Variants in RAB36 observed in about 807,000 individuals in gnomAD.
The protein encoded by RAB36 is ras-related protein Rab-36.
Under a neutral mutation model 39.3 loss-of-function variants are expected in RAB36, and 33 were observed. The ratio of observed to expected loss-of-function variants is 0.84; its 90% CI spans 0.64 to 1.12. RAB36 has a LOEUF of 1.12. Among genes scored for constraint, RAB36 ranks in the 50% most tolerant of loss-of-function variants. The pLI is 0.00. For missense variants in RAB36, 308 were observed against 355.3 expected (o/e 0.87, Z 1.07); for synonymous variants, 133 against 140.2 (o/e 0.95, Z 0.36).
intron 1 of RAB36, among the ~76,000 whole-genome samples, chr22:23,146,279 G>A (rs2070764901): frequency 6.6e-6 from 1 of 152,170 alleles, no homozygotes. Context: ...CACCTTCACG[G>A]TTCACTGCAC....
intron 1 of RAB36, 73 bp from the exon 2 acceptor site, chr22:23,146,532 G>T: frequency 6.4e-7 from 1 of 1,563,634 alleles, no homozygotes. Context: ...GAAAAGTTAG[G>T]TGGAAACTCA....
At chr22:23,160,359 A>T (rs933053585) in intron 9 of RAB36, among the ~76,000 whole-genome samples, 1 of 152,194 alleles carries the variant, frequency 6.6e-6, no homozygotes, top group Non-Finnish European at 1.5e-5. Context: ...TGGCTGCACA[A>T]GGGCAGTGTG....
rs1007460001 is a variant in RAB36 at position 23,164,702 on chromosome 22, C to T, written c.*3138C>T. Reference sequence around the variant, plus strand: ...CACAGTGACCGCGTCCAAGTGCTGCCGAAACGCCTTTTTCCTCTTCCCTGT... The same window carrying T: ...CACAGTGACCGCGTCCAAGTGCTGCTGAAACGCCTTTTTCCTCTTCCCTGT... On this transcript the variant is annotated 3_prime_UTR_variant, in exon 11 of 11. Transcript: ENST00000263116. Among the ~76,000 whole-genome samples, 1 of 152,150 alleles carries T rather than the reference C, an allele frequency of 6.6e-6. No individual in the cohort carries two copies. Among genetic ancestry groups the T allele is most frequent in the African/African-American group, 2.4e-5 (1 of 41,432 alleles).
At chr22:23,150,186 G>A in intron 3 of RAB36, 32 bp downstream of exon 3, 1 of 1,546,268 alleles carries the variant, frequency 6.5e-7, no homozygotes, top group Non-Finnish European at 8.9e-7. Context: ...TGGGGGAGCA[G>A]GTGGCAAGAA....
At chr22:23,156,080 C>T in intron 6 of RAB36, 48 bp downstream of exon 6, 3 of 1,527,942 alleles carry the variant, frequency 2.0e-6, no homozygotes, top group Non-Finnish European at 2.7e-6. Context: ...GCAGCGGGGT[C>T]CCTGCCGGGC....
At chr22:23,158,816 G>T in intron 7 of RAB36, 82 bp from the exon 8 acceptor site, 1 of 1,236,784 alleles carries the variant, frequency 8.1e-7, no homozygotes, top group African/African-American at 1.5e-5. Context: ...TTCAGCCCTG[G>T]GGAGGTCCCA....
chr22:23,167,510 G>A (rs2072071421), downstream of RAB36, among the ~76,000 whole-genome samples: 1 of 152,108 alleles, frequency 6.6e-6, no homozygotes, highest in South Asian at 2.1e-4. Flanking sequence ...GAGGCCAGCA[G>A]GATCCATTCG....
In RAB36 at chr22:23,153,651, T is replaced by TTCA. The variant is rs2071290730; in HGVS notation, c.329+518_329+520dup. On this transcript the variant is annotated intron_variant, in intron 5 of 10. Transcript: ENST00000263116. ...TCGTCTTCCTCCTCACACTGCAGCC[T>TTCA]TCACTCCCTCTCCCCAGCCTCACTT... The TTCA allele has an allele frequency of 7.2e-6, 7 of 976,542 alleles. No homozygotes were observed. The South Asian group carries it at 2.9e-4, about 40-fold the overall frequency. 60.5% of individuals were successfully genotyped at this position (976,542 alleles called of 1,614,324 possible).
In RAB36 at chr22:23,164,708, G is replaced by T. The variant is rs115497687; in HGVS notation, c.*3144G>T. Reference sequence around the variant, plus strand: ...GACCGCGTCCAAGTGCTGCCGAAACGCCTTTTTCCTCTTCCCTGTTTCCCT... The same window carrying T: ...GACCGCGTCCAAGTGCTGCCGAAACTCCTTTTTCCTCTTCCCTGTTTCCCT... On this transcript the variant is annotated 3_prime_UTR_variant, in exon 11 of 11. Transcript: ENST00000263116. 2.0e-5 allele frequency among the ~76,000 whole-genome samples: 3 copies of T among 152,088 alleles called. No homozygotes were observed. The highest frequency in any genetic ancestry group is 4.4e-5 in the Non-Finnish European group (3 of 68,024).
Position 23,145,505 on chromosome 22 carries a change from C to G in RAB36, c.-59C>G. 6.2e-7 allele frequency: 1 copy of G among 1,606,018 alleles called. No homozygotes were observed. Among genetic ancestry groups the G allele is most frequent in the South Asian group, 1.1e-5 (1 of 90,956 alleles). On this transcript the variant is annotated 5_prime_UTR_variant, in exon 1 of 11. An upstream open reading frame in the 5' UTR gains an earlier in-frame stop. Coordinates refer to ENST00000263116, the MANE Select transcript of RAB36 (RefSeq NM_004914.5). ...GCCATGGTGATCGCCGCCGCTGGCT[C>G]AGGCGGACCAGGCCGCGCGGAGCCC...
downstream of RAB36, among the ~76,000 whole-genome samples, chr22:23,168,263 C>T (rs1234517102): frequency 1.3e-5 from 2 of 152,168 alleles, no homozygotes; most frequent in African/African-American, 4.8e-5. Context: ...GGAGGCAGCT[C>T]CCTCCAGCTC....
In RAB36 at chr22:23,146,668, A is replaced by T. The variant is rs767122131; in HGVS notation, c.52A>T (p.Ile18Phe). ...LGPPVSRDRV[I>F]ASFPKWYTPE... ...GCCCCCTGTGAGCCGCGACCGTGTC[A>T]TCGCCAGCTTCCCTAAGGTAGAGAG... is the stretch of plus-strand genomic sequence containing the variant. Residue 18 changes from isoleucine (I) to phenylalanine (F), a missense_variant, in exon 2 of 11, where the codon ATC becomes TTC. Coordinates refer to ENST00000263116, the MANE Select transcript of RAB36 (RefSeq NM_004914.5). The T allele has an allele frequency of 6.2e-7, 1 of 1,613,996 alleles. No individual in the cohort carries two copies. Among genetic ancestry groups the T allele is most frequent in the East Asian group, 2.2e-5 (1 of 44,870 alleles).
At chr22:23,150,463 G>T (rs978555159) in intron 3 of RAB36, among the ~76,000 whole-genome samples, 2 of 151,834 alleles carry the variant, frequency 1.3e-5, no homozygotes, top group African/African-American at 2.4e-5. Context: ...CACCACGCCC[G>T]GCTAATTTTT....
chr22:23,167,775 C>T (rs775542861), downstream of RAB36, among the ~76,000 whole-genome samples: 18 of 151,978 alleles, frequency 1.2e-4, no homozygotes, highest in Non-Finnish European at 2.4e-4. Context: ...CTCAAACTCC[C>T]GGTCTCAAGC....
At chr22:23,156,133 T>A in intron 6 of RAB36, 101 bp downstream of exon 6, 1 of 726,160 alleles carries the variant, frequency 1.4e-6, no homozygotes, top group Non-Finnish European at 2.1e-6. Flanking sequence ...GCACCAGTTT[T>A]TTGTCCTCCA....
intron 3 of RAB36, among the ~76,000 whole-genome samples, chr22:23,150,988 G>A (rs1013082261): frequency 6.6e-5 from 10 of 152,372 alleles, no homozygotes; most frequent in African/African-American, 2.2e-4. Context: ...CTGGCAGAGG[G>A]ATTGTGAAAT....
chr22:23,155,208 G>T (rs910738535), intron 5 of RAB36, among the ~76,000 whole-genome samples: 2 of 152,156 alleles, frequency 1.3e-5, no homozygotes, highest in Admixed American at 6.5e-5. Context: ...GTTCAATTTT[G>T]ATCAGTTGAC....
At position 23,164,346 on chromosome 22, in the gene RAB36, C is replaced by G. The variant is rs1259183459; in HGVS notation, c.*2782C>G. On this transcript the variant is annotated 3_prime_UTR_variant, in exon 11 of 11. Transcript: ENST00000263116. ...CCTTGATTAAATCGTCCTCATATTACCTCCTGCAATGTGCCAGCTGATTCC... is the reference window on the plus strand; with the variant it reads ...CCTTGATTAAATCGTCCTCATATTAGCTCCTGCAATGTGCCAGCTGATTCC... 2 of 152,228 alleles carry G rather than the reference C, an allele frequency of 1.3e-5. No homozygotes were observed. The highest frequency in any genetic ancestry group is 4.8e-5 in the African/African-American group (2 of 41,436). 9.4% of individuals were successfully genotyped at this position (152,228 alleles called of 1,614,324 possible). A position where few individuals can be genotyped will look rare whatever the true frequency, so the allele number is the denominator to read the frequency against.
chr22:23,151,970 C>T (rs1322233544), intron 3 of RAB36, among the ~76,000 whole-genome samples: 2 of 152,206 alleles, frequency 1.3e-5, no homozygotes, highest in Non-Finnish European at 2.9e-5. Flanking sequence ...GGAGTGCCTG[C>T]TTGCAAGAGG....
Sources: gnomAD v4.1 joint callset for allele counts (sites outside exome capture counted in the v4.1 genomes callset) on GRCh38, gnomAD v4.1.1 for gene constraint, MANE v1.5 for transcripts, NCBI Gene and HGNC (gene_info 2026-07-23, HGNC 2026-07-21) for gene names.